The following EXOC6 variants were observed in gnomAD, a reference collection of about 807,000 sequenced individuals.
The protein encoded by EXOC6 is exocyst complex component 6, also known as SEC15-like 1.
In EXOC6, 60 loss-of-function variants were observed where a neutral mutation model predicts 112.5. The observed-to-expected ratio is 0.53, with a 90% CI of 0.43 to 0.66. EXOC6 has a LOEUF of 0.66. Ranked by LOEUF, EXOC6 falls within the 30% of genes least tolerant of loss-of-function variation. The pLI, the probability that EXOC6 is intolerant of heterozygous loss-of-function variation, is 0.00. For missense variants in EXOC6, 855 were observed against 957.1 expected (o/e 0.89, Z 1.41); for synonymous variants, 295 against 308.0 (o/e 0.96, Z 0.44).
chr10:92,827,248 C>A (rs1846399633), intron 1 of EXOC6, among the ~76,000 whole-genome samples: 1 of 151,340 alleles, frequency 6.6e-6, no homozygotes, highest in South Asian at 2.1e-4. Context: ...CTGAGGTGGG[C>A]AGATCGCTTG....
intron 20 of EXOC6, 151 bp from the exon 21 acceptor site, chr10:93,056,773 T>C (rs1460709081): frequency 1.7e-6 from 1 of 589,302 alleles, no homozygotes; most frequent in African/African-American, 2.0e-5. Flanking sequence ...GATTGTAAAG[T>C]ACAGTTAATG....
chr10:92,933,196 C>G lies in EXOC6; in HGVS notation c.973-948C>G, dbSNP rs867080612. ...CTCAAAGTATTTAAAGCAAAACTGCCACAACTACAAGGAGAAATAGAAAAA... is the reference window on the plus strand; with the variant it reads ...CTCAAAGTATTTAAAGCAAAACTGCGACAACTACAAGGAGAAATAGAAAAA... On this transcript the variant is annotated intron_variant, in intron 9 of 21. Transcript: ENST00000260762. Among the ~76,000 whole-genome samples, 3 of 151,976 alleles carry G rather than the reference C, an allele frequency of 2.0e-5. No individual in the cohort carries two copies. The East Asian group carries it at 5.8e-4, about 29-fold the overall frequency.
intron 1 of EXOC6, among the ~76,000 whole-genome samples, chr10:92,876,398 A>G (rs958057094): frequency 6.6e-6 from 1 of 152,168 alleles, no homozygotes; most frequent in African/African-American, 2.4e-5. Context: ...AGCTGAGGAA[A>G]TTGAGGTAGG....
At chr10:92,985,220 A>G (rs1842958714) in intron 18 of EXOC6, among the ~76,000 whole-genome samples, 1 of 151,944 alleles carries the variant, frequency 6.6e-6, no homozygotes, top group Non-Finnish European at 1.5e-5. Context: ...GTGGGGGATC[A>G]TTGGTACAAT....
intron 9 of EXOC6, among the ~76,000 whole-genome samples, chr10:92,930,584 G>A (rs1285218377): frequency 6.6e-6 from 1 of 151,948 alleles, no homozygotes; most frequent in African/African-American, 2.4e-5. Context: ...AGAATTAAAT[G>A]ATCCATATGC....
At chr10:92,858,428 T>C (rs1351859066) in intron 1 of EXOC6, among the ~76,000 whole-genome samples, 1 of 152,164 alleles carries the variant, frequency 6.6e-6, no homozygotes, top group African/African-American at 2.4e-5. Flanking sequence ...TCTCTCCTGT[T>C]CTTTTTTCTC....
intron 20 of EXOC6, among the ~76,000 whole-genome samples, chr10:93,031,198 A>AATAT (rs1208310263): frequency 1.3e-5 from 2 of 152,018 alleles, no homozygotes; most frequent in Non-Finnish European, 2.9e-5. Flanking sequence ...ACACCTAGAT[A>AATAT]TGTTCTTTTT....
At chr10:92,895,453 C>G (rs972766919) in intron 4 of EXOC6, among the ~76,000 whole-genome samples, 2 of 152,084 alleles carry the variant, frequency 1.3e-5, no homozygotes, top group African/African-American at 2.4e-5. Context: ...CTCACAATCT[C>G]ATTGTGCTGA....
intron 1 of EXOC6, among the ~76,000 whole-genome samples, chr10:92,859,420 G>A (rs1257882553): frequency 2.0e-5 from 3 of 152,124 alleles, no homozygotes; most frequent in Non-Finnish European, 2.9e-5. Flanking sequence ...TTCTGCCTTC[G>A]TTGGCATCAC....
At chr10:92,925,254 C>T (rs1851652352) in intron 8 of EXOC6, among the ~76,000 whole-genome samples, 1 of 152,042 alleles carries the variant, frequency 6.6e-6, no homozygotes, top group Non-Finnish European at 1.5e-5. Context: ...ACAAAACAAT[C>T]ACACTGGGTT....
At chr10:92,913,523 G>A (rs7904089) in intron 6 of EXOC6, among the ~76,000 whole-genome samples, 3,349 of 152,106 alleles carry the variant, frequency 0.022, 56 homozygotes, top group African/African-American at 0.041. Context: ...TACAGATTTT[G>A]GAATATACTA....
chr10:92,914,095 A>G (rs1850951009), intron 6 of EXOC6, among the ~76,000 whole-genome samples: 1 of 152,232 alleles, frequency 6.6e-6, no homozygotes. Flanking sequence ...ACCAGGCCAC[A>G]CAGCAGGAGG....
intron 4 of EXOC6, among the ~76,000 whole-genome samples, chr10:92,899,091 T>A (rs1850003125): frequency 6.6e-6 from 1 of 152,226 alleles, no homozygotes; most frequent in Non-Finnish European, 1.5e-5. Flanking sequence ...TCACTCCTGC[T>A]GTAAGCTTTT....
At chr10:93,053,503 A>G (rs191303840) in intron 20 of EXOC6, among the ~76,000 whole-genome samples, 1 of 152,326 alleles carries the variant, frequency 6.6e-6, no homozygotes, top group East Asian at 1.9e-4. Context: ...GTTAGACCCA[A>G]TGCTGTATCA....
In EXOC6 at chr10:92,896,175, ATATATATTTTTTTTTTTTT is replaced by A. The variant is rs1564810043; in HGVS notation, c.412+1157_412+1175del. Among the ~76,000 whole-genome samples the A allele has an allele frequency of 3.8e-3, 77 of 20,508 alleles. 1 individual carries two copies. The highest frequency in any genetic ancestry group is 6.1e-3 in the Admixed American group (5 of 816). 13.5% of individuals were successfully genotyped at this position (20,508 alleles called of 152,430 possible). ...TATATATATATATATATATATATAT[ATATATATTTTTTTTTTTTT>A]TTTTTTTTTTTTTTTTTTTTTTTGG... On this transcript the variant is annotated intron_variant, in intron 4 of 21. Coordinates refer to ENST00000260762, the MANE Select transcript of EXOC6 (RefSeq NM_019053.6).
chr10:92,918,993 T>C (rs1447096235), intron 7 of EXOC6, among the ~76,000 whole-genome samples: 2 of 152,212 alleles, frequency 1.3e-5, no homozygotes, highest in Non-Finnish European at 2.9e-5. Flanking sequence ...GAAATTATTA[T>C]TAGGTTTTTT....
At chr10:92,830,217 G>A (rs1240154935), upstream of EXOC6, among the ~76,000 whole-genome samples, 2 of 152,036 alleles carry the variant, frequency 1.3e-5, no homozygotes, top group South Asian at 2.1e-4. Context: ...CCCCTTTCTC[G>A]TAACAAACAT....
At chr10:92,942,501 G>C (rs1228128208) in intron 13 of EXOC6, among the ~76,000 whole-genome samples, 1 of 152,134 alleles carries the variant, frequency 6.6e-6, no homozygotes, top group African/African-American at 2.4e-5. Flanking sequence ...TTCTTCAGGA[G>C]TGATATTATC....
intron 18 of EXOC6, among the ~76,000 whole-genome samples, chr10:92,991,452 A>C (rs996889425): frequency 2.0e-5 from 3 of 151,730 alleles, no homozygotes; most frequent in Non-Finnish European, 2.9e-5. Flanking sequence ...AAAAAAAAAA[A>C]ACAAAAGTTA....
Sources: gnomAD v4.1 joint callset for allele counts (sites outside exome capture counted in the v4.1 genomes callset) on GRCh38, gnomAD v4.1.1 for gene constraint, MANE v1.5 for transcripts, NCBI Gene and HGNC (gene_info 2026-07-23, HGNC 2026-07-21) for gene names.